GAS7: variants seen among roughly 807,000 people sequenced by gnomAD.
GAS7 encodes growth arrest-specific protein 7.
Under a neutral mutation model 71.1 loss-of-function variants are expected in GAS7, and 28 were observed. The observed-to-expected ratio is 0.39, with a 90% CI of 0.29 to 0.54. The LOEUF (loss-of-function observed/expected upper bound fraction) is 0.54. Ranked by LOEUF, GAS7 falls within the 20% of genes least tolerant of loss-of-function variation. The probability of loss-of-function intolerance (pLI) is 0.62; values close to 1 mark genes in which losing one functional copy is unlikely to be tolerated. For missense variants in GAS7, 436 were observed against 627.8 expected (o/e 0.69, Z 3.27); for synonymous variants, 258 against 245.8 (o/e 1.05, Z -0.46).
chr17:10,129,245 C>T (rs1430571936), intron 1 of GAS7, among the ~76,000 whole-genome samples: 1 of 152,168 alleles, frequency 6.6e-6, no homozygotes, highest in Non-Finnish European at 1.5e-5. Flanking sequence ...AAAACTAGAA[C>T]ACTCTTGGCC....
chr17:9,959,879 C>T lies in GAS7; in HGVS notation c.472-624G>A, dbSNP rs1252974848. 6.6e-6 allele frequency among the ~76,000 whole-genome samples: 1 copy of T among 152,172 alleles called. No homozygotes were observed. Among genetic ancestry groups the T allele is most frequent in the Non-Finnish European group, 1.5e-5 (1 of 68,034 alleles). On this transcript the variant is annotated intron_variant, in intron 4 of 13. Coordinates refer to ENST00000432992, the MANE Select transcript of GAS7 (RefSeq NM_201433.2). This position sits in a 1 kb window ranked among gnomAD's most constrained non-coding sequence, Gnocchi z 5.0. ...CCACCGCCAGTAAGAAAACCAGAGT[C>T]CCAAGTACCTCTGAGCCTGGGGTCC...
intron 1 of GAS7, among the ~76,000 whole-genome samples, chr17:10,035,490 A>G (rs970636585): frequency 6.6e-6 from 1 of 152,180 alleles, no homozygotes; most frequent in Non-Finnish European, 1.5e-5. Flanking sequence ...ATGCTCCTGG[A>G]TAACAAGCAC....
intron 1 of GAS7, among the ~76,000 whole-genome samples, chr17:10,033,753 G>T (rs2072679920): frequency 6.6e-6 from 1 of 152,230 alleles, no homozygotes; most frequent in Non-Finnish European, 1.5e-5. Flanking sequence ...AGCTGGCCTG[G>T]CTTTGTGGCC....
chr17:9,971,804 G>A (rs1338276241), intron 3 of GAS7, among the ~76,000 whole-genome samples: 1 of 152,202 alleles, frequency 6.6e-6, no homozygotes, highest in Non-Finnish European at 1.5e-5. Context: ...TAGCGTGGCA[G>A]GAAGCACAGG....
intron 1 of GAS7, among the ~76,000 whole-genome samples, chr17:10,194,873 A>AC (rs1431954997): frequency 1.5e-5 from 2 of 131,580 alleles, no homozygotes; most frequent in East Asian, 4.5e-4. Context: ...AAAAAAAAAA[A>AC]AAAAAAAAAA....
At chr17:9,933,749 G>A (rs1407467961) in intron 9 of GAS7, among the ~76,000 whole-genome samples, 2 of 152,148 alleles carry the variant, frequency 1.3e-5, no homozygotes, top group African/African-American at 2.4e-5. Context: ...GGAGGCTGAG[G>A]TGGGAGAATC....
At chr17:9,927,487 A>AAAC (rs554436341) in intron 9 of GAS7, among the ~76,000 whole-genome samples, 1,586 of 152,022 alleles carry the variant, frequency 0.01, 33 homozygotes, top group African/African-American at 0.036. Context: ...CTCAAAAAAA[A>AAAC]AAAACAAAAC....
intron 3 of GAS7, among the ~76,000 whole-genome samples, chr17:9,970,941 A>C (rs935128043): frequency 6.6e-6 from 1 of 152,196 alleles, no homozygotes; most frequent in Admixed American, 6.5e-5. Flanking sequence ...ATAACTACAT[A>C]AGCTTAGACG....
chr17:10,072,652 G>C (rs890990199), intron 1 of GAS7, among the ~76,000 whole-genome samples: 1 of 152,160 alleles, frequency 6.6e-6, no homozygotes, highest in Non-Finnish European at 1.5e-5. Context: ...ATCCCTCTCT[G>C]ATAGAAGCAT....
At chr17:10,036,199 C>A (rs1327321255) in intron 1 of GAS7, among the ~76,000 whole-genome samples, 18 of 152,242 alleles carry the variant, frequency 1.2e-4, no homozygotes, top group East Asian at 1.9e-4. Context: ...ATCCGCTTTT[C>A]CTGATCTCTC....
rs533174847 is a variant in GAS7, at chr17:10,027,454, C to T, written c.184-7557G>A. On this transcript the variant is annotated intron_variant, in intron 1 of 13. Coordinates refer to ENST00000432992, the MANE Select transcript of GAS7 (RefSeq NM_201433.2). Reference sequence around the variant, plus strand: ...TGGTTTGAATGTGTCCCCTCCAAAACTCAGGCGTTGGCAACATGGTAGGAT... The same window carrying T: ...TGGTTTGAATGTGTCCCCTCCAAAATTCAGGCGTTGGCAACATGGTAGGAT... Among the ~76,000 whole-genome samples the T allele has an allele frequency of 4.6e-5, 7 of 152,292 alleles. No homozygotes were observed. In the South Asian group the frequency reaches 1.4e-3, roughly 32 times the overall value.
At chr17:10,025,140 T>C (rs1430746095) in intron 1 of GAS7, among the ~76,000 whole-genome samples, 1 of 152,172 alleles carries the variant, frequency 6.6e-6, no homozygotes, top group Non-Finnish European at 1.5e-5. Context: ...CAGTGACTCA[T>C]GCCTGTAATC....
chr17:10,108,384 C>T (rs540604993), intron 1 of GAS7, among the ~76,000 whole-genome samples: 2 of 152,296 alleles, frequency 1.3e-5, no homozygotes, highest in Admixed American at 6.5e-5. Flanking sequence ...CATGGAAATC[C>T]ACACACACAT....
rs2074525095 is a variant in GAS7, at chr17:10,194,430, T to C, written c.183+3778A>G. ...CTGACCTGTCCAGCCACTGGGCTTG[T>C]CCTGGTACCATGTCTTTCTCTCCAA... On this transcript the variant is annotated intron_variant, in intron 1 of 13. Transcript: ENST00000432992. Among the ~76,000 whole-genome samples the C allele has an allele frequency of 3.3e-5, 5 of 152,246 alleles. No homozygotes were observed. In the South Asian group the frequency reaches 1.0e-3, roughly 31 times the overall value.
chr17:10,186,048 T>C (rs4791931), intron 1 of GAS7, among the ~76,000 whole-genome samples: 9,322 of 147,814 alleles, frequency 0.063, 478 homozygotes, highest in East Asian at 0.18. Context: ...CTCCGCCTCC[T>C]GGTTCACGCC....
At chr17:10,138,722 G>A (rs972263319) in intron 1 of GAS7, among the ~76,000 whole-genome samples, 1 of 151,924 alleles carries the variant, frequency 6.6e-6, no homozygotes, top group Non-Finnish European at 1.5e-5. Flanking sequence ...AGCCGAGATC[G>A]TGCCACTGCA....
chr17:9,955,294 T>C (rs1400250408), intron 5 of GAS7, among the ~76,000 whole-genome samples: 1 of 152,160 alleles, frequency 6.6e-6, no homozygotes, highest in Non-Finnish European at 1.5e-5. Flanking sequence ...TCCTGATGGT[T>C]AATACCAGGG....
rs760188171 is a variant in GAS7, at chr17:9,959,176, G to A, written c.525+26C>T. 6.2e-7 allele frequency: 1 copy of A among 1,611,548 alleles called. No individual in the cohort carries two copies. The highest frequency in any genetic ancestry group is 8.5e-7 in the Non-Finnish European group (1 of 1,178,532). ...AATGCCCCAGCTCGCAGCCCACCCTGAGGGCGCCCCTCGGGAGCCACTTAC... is the reference window on the plus strand; with the variant it reads ...AATGCCCCAGCTCGCAGCCCACCCTAAGGGCGCCCCTCGGGAGCCACTTAC... On this transcript the variant is annotated intron_variant, in intron 5 of 13. Transcript: ENST00000432992. This position sits in a 1 kb window ranked among gnomAD's most constrained non-coding sequence, Gnocchi z 5.0.
chr17:10,070,689 T>C (rs2073331661), intron 1 of GAS7, among the ~76,000 whole-genome samples: 1 of 151,944 alleles, frequency 6.6e-6, no homozygotes, highest in African/African-American at 2.4e-5. Flanking sequence ...TCTGTTTTCA[T>C]GGGTTCTGCT....
Sources: gnomAD v4.1 joint callset for allele counts (sites outside exome capture counted in the v4.1 genomes callset) on GRCh38, gnomAD v4.1.1 for gene constraint, Gnocchi (gnomAD v3.1) non-coding constraint, MANE v1.5 for transcripts, NCBI Gene and HGNC (gene_info 2026-07-23, HGNC 2026-07-21) for gene names.